LCLAT1: variants seen among roughly 807,000 people sequenced by gnomAD.
LCLAT1 encodes the protein 1-AGP acyltransferase 8.
In LCLAT1, 11 loss-of-function variants were observed where a neutral mutation model predicts 30.7. The ratio of observed to expected loss-of-function variants is 0.36; its 90% CI spans 0.23 to 0.59. The LOEUF is 0.59. Ranked by LOEUF, LCLAT1 falls within the 20% of genes least tolerant of loss-of-function variation. The pLI is 0.77. For synonymous variants in LCLAT1, 155 were observed against 151.3 expected (o/e 1.02, Z -0.18); for missense variants, 402 against 458.6 (o/e 0.88, Z 1.13).
chr2:30,508,492 CATTT>C (rs1399536402), intron 1 of LCLAT1, among the ~76,000 whole-genome samples: 2 of 152,050 alleles, frequency 1.3e-5, no homozygotes, highest in Non-Finnish European at 2.9e-5. Flanking sequence ...CTTCTAGAAC[CATTT>C]ATTGAATAGG....
chr2:30,597,816 G>A (rs1015065287), intron 5 of LCLAT1, among the ~76,000 whole-genome samples: 2 of 152,152 alleles, frequency 1.3e-5, no homozygotes, highest in Non-Finnish European at 2.9e-5. Flanking sequence ...TTTGAGGTAC[G>A]TTCCTTCAGT....
chr2:30,618,740 AT>A (rs1183882456), intron 5 of LCLAT1, among the ~76,000 whole-genome samples: 1 of 152,200 alleles, frequency 6.6e-6, no homozygotes, highest in Non-Finnish European at 1.5e-5. Flanking sequence ...GTGTTCAGTT[AT>A]TCATTACTAG....
chr2:30,552,205 C>T (rs968359346), intron 3 of LCLAT1, among the ~76,000 whole-genome samples: 2 of 152,172 alleles, frequency 1.3e-5, no homozygotes, highest in African/African-American at 4.8e-5. Flanking sequence ...AATTTCCAAT[C>T]TCATATAATA....
At chr2:30,453,775 C>T (rs990842678) in intron 1 of LCLAT1, among the ~76,000 whole-genome samples, 7 of 152,072 alleles carry the variant, frequency 4.6e-5, no homozygotes, top group East Asian at 1.9e-4. Context: ...TTATGAAGAC[C>T]GTAGGTAGTA....
chr2:30,523,116 AG>A (rs1169310974), intron 1 of LCLAT1, among the ~76,000 whole-genome samples: 1 of 151,994 alleles, frequency 6.6e-6, no homozygotes, highest in African/African-American at 2.4e-5. Flanking sequence ...AAACAGAGCT[AG>A]CTAATCACTA....
At chr2:30,505,451 A>AC (rs1367402999) in intron 1 of LCLAT1, among the ~76,000 whole-genome samples, 1 of 149,714 alleles carries the variant, frequency 6.7e-6, no homozygotes, top group Non-Finnish European at 1.5e-5. Flanking sequence ...GAGCATTTGT[A>AC]TTTTCTTCCT....
intron 3 of LCLAT1, among the ~76,000 whole-genome samples, chr2:30,561,841 G>T (rs531694011): frequency 6.6e-5 from 10 of 152,122 alleles, no homozygotes; most frequent in African/African-American, 2.4e-4. Flanking sequence ...TAAAATTTTG[G>T]ATAAGTTAGT....
chr2:30,463,651 A>G (rs1004417893), intron 1 of LCLAT1, among the ~76,000 whole-genome samples: 1 of 152,214 alleles, frequency 6.6e-6, no homozygotes, highest in African/African-American at 2.4e-5. Flanking sequence ...ATTGTATTAG[A>G]TACTATGAGT....
intron 2 of LCLAT1, among the ~76,000 whole-genome samples, chr2:30,531,562 T>C (rs1297507055): frequency 6.6e-6 from 1 of 152,200 alleles, no homozygotes; most frequent in Admixed American, 6.5e-5. Context: ...AATAGATAAC[T>C]GGATTAAATA....
intron 5 of LCLAT1, among the ~76,000 whole-genome samples, chr2:30,601,277 T>C (rs1262951106): frequency 1.3e-5 from 2 of 152,198 alleles, no homozygotes; most frequent in Admixed American, 1.3e-4. Context: ...AGTAACAAGG[T>C]GATATTTATA....
chr2:30,474,423 G>T (rs749305335), intron 1 of LCLAT1, among the ~76,000 whole-genome samples: 2 of 152,132 alleles, frequency 1.3e-5, no homozygotes, highest in Non-Finnish European at 2.9e-5. Context: ...GGGGTTAAAA[G>T]ATGTTTTTTA....
chr2:30,578,409 A>G (rs1055966547), intron 5 of LCLAT1, among the ~76,000 whole-genome samples: 20 of 152,152 alleles, frequency 1.3e-4, no homozygotes, highest in African/African-American at 4.8e-4. Flanking sequence ...AAGGGAAGGC[A>G]TGTTAGCCAA....
chr2:30,478,743 ACACACAT>A (rs140960829), intron 1 of LCLAT1, among the ~76,000 whole-genome samples: 97 of 152,338 alleles, frequency 6.4e-4, no homozygotes, highest in African/African-American at 2.3e-3. Flanking sequence ...CCAAACATAG[ACACACAT>A]AAACAAATGA....
chr2:30,477,183 C>G (rs560571193), intron 1 of LCLAT1, among the ~76,000 whole-genome samples: 7 of 152,262 alleles, frequency 4.6e-5, no homozygotes, highest in East Asian at 1.9e-4. Flanking sequence ...TTACCACCCT[C>G]TTTATTGGAT....
chr2:30,595,416 A>C (rs1214515390), intron 5 of LCLAT1, among the ~76,000 whole-genome samples: 1 of 152,140 alleles, frequency 6.6e-6, no homozygotes, highest in African/African-American at 2.4e-5. Context: ...TTGAGCTATC[A>C]AGATGCCTCC....
chr2:30,504,081 C>CGTGTGTGTGT (rs10632288), intron 1 of LCLAT1, among the ~76,000 whole-genome samples: 1 of 150,792 alleles, frequency 6.6e-6, no homozygotes, highest in Non-Finnish European at 1.5e-5. Flanking sequence ...AAGGGACTTA[C>CGTGTGTGTGT]GTGTGTGTGT....
chr2:30,577,437 T>C (rs561113525), intron 5 of LCLAT1, among the ~76,000 whole-genome samples: 54 of 152,112 alleles, frequency 3.6e-4, no homozygotes, highest in Non-Finnish European at 6.5e-4. Flanking sequence ...CTTGGTAAGA[T>C]TACTGATGTT....
intron 1 of LCLAT1, among the ~76,000 whole-genome samples, chr2:30,506,385 C>T (rs1421534289): frequency 2.0e-5 from 3 of 151,606 alleles, no homozygotes; most frequent in South Asian, 2.1e-4. Flanking sequence ...TTCTCAAAAC[C>T]GTACTATAAT....
intron 3 of LCLAT1, among the ~76,000 whole-genome samples, chr2:30,540,174 A>G (rs1664060715): frequency 6.6e-6 from 1 of 152,248 alleles, no homozygotes; most frequent in Admixed American, 6.5e-5. Context: ...TGCATGGACA[A>G]GCAGATTGTT....
Sources: allele counts gnomAD v4.1 joint callset (sites outside exome capture counted in the v4.1 genomes callset), GRCh38; gene constraint gnomAD v4.1.1; transcripts MANE v1.5; gene names NCBI Gene and HGNC (gene_info 2026-07-23, HGNC 2026-07-21).